Variants in EPB41L4A observed in about 807,000 individuals in gnomAD.
EPB41L4A encodes the protein erythrocyte membrane protein band 4.1 like 4A.
EPB41L4A carries 100 observed loss-of-function variants against 108.6 expected under a neutral mutation model. That is an observed-to-expected ratio of 0.92 (90% confidence interval 0.78 to 1.09). The LOEUF is 1.09. Among genes scored for constraint, EPB41L4A ranks in the 50% least tolerant of loss-of-function variants. The pLI is 0.00. For missense variants in EPB41L4A, 1,030 were observed against 842.7 expected, an observed-to-expected ratio of 1.22 and a Z score of -2.75; for synonymous variants, 319 against 289.0, an observed-to-expected ratio of 1.10 and a Z score of -1.05.
At chr5:112,205,302 C>T (rs1415317162) in intron 14 of EPB41L4A, 119 bp downstream of exon 14, 11 of 854,024 alleles carry the variant, frequency 1.3e-5, no homozygotes, top group South Asian at 4.0e-5. Flanking sequence ...AGAGTCTGCC[C>T]ACTTTATCCA....
intron 4 of EPB41L4A, among the ~76,000 whole-genome samples, chr5:112,269,387 T>C (rs1752100570): frequency 6.6e-6 from 1 of 152,202 alleles, no homozygotes; most frequent in African/African-American, 2.4e-5. Flanking sequence ...TATTTTCATA[T>C]GTTAAACATT....
intron 4 of EPB41L4A, among the ~76,000 whole-genome samples, chr5:112,267,207 T>C (rs774553224): frequency 6.6e-6 from 1 of 152,210 alleles, no homozygotes; most frequent in African/African-American, 2.4e-5. Context: ...TGCTAGCACT[T>C]ACACATATGC....
Position 112,275,411 on chromosome 5 carries a change from TAAGA to T in EPB41L4A, c.257-11_257-8del, listed in dbSNP as rs1489971390. ...AAAGTATATGGAGGTCCAGCTAAAA[TAAGA>T]AATAGAAATTAAATTTCACTAAAAT... On this transcript the variant is annotated splice_region_variant and splice_polypyrimidine_tract_variant and intron_variant, in intron 3 of 22. Transcript: ENST00000261486. 3 of 1,529,698 alleles carry T rather than the reference TAAGA, an allele frequency of 2.0e-6. No individual in the cohort carries two copies. Among genetic ancestry groups the T allele is most frequent in the South Asian group, 2.5e-5 (2 of 81,500 alleles). The allele number at this position is 1,529,698 out of a possible 1,614,324, so 94.8% of individuals were successfully genotyped here.
intron 1 of EPB41L4A, among the ~76,000 whole-genome samples, chr5:112,309,759 T>C (rs1006760853): frequency 6.6e-6 from 1 of 152,156 alleles, no homozygotes; most frequent in African/African-American, 2.4e-5. Flanking sequence ...AGCACAGCAC[T>C]TTCTCCAGCA....
At chr5:112,215,762 CAAAAAAAAAAAAAAACAAA>C (rs1415348874) in intron 12 of EPB41L4A, among the ~76,000 whole-genome samples, 1 of 101,396 alleles carries the variant, frequency 9.9e-6, no homozygotes, top group Non-Finnish European at 1.8e-5. Flanking sequence ...GACTCCATCT[CAAAAAAAAAAAAAAACAAA>C]AAAAACAAAA....
intron 2 of EPB41L4A, among the ~76,000 whole-genome samples, chr5:112,301,686 TG>T (rs1163606949): frequency 6.6e-6 from 1 of 152,160 alleles, no homozygotes; most frequent in African/African-American, 2.4e-5. Context: ...TCCGTCCGAG[TG>T]GGAACTGCAA....
At chr5:112,194,431 T>A (rs1761859104) in intron 17 of EPB41L4A, 137 bp downstream of exon 17, 1 of 544,136 alleles carries the variant, frequency 1.8e-6, no homozygotes, top group Admixed American at 3.7e-5. Context: ...TTTCCTAAAC[T>A]AAGTGCTTCA....
chr5:112,334,610 A>G (rs1207251102), intron 1 of EPB41L4A, among the ~76,000 whole-genome samples: 1 of 152,098 alleles, frequency 6.6e-6, no homozygotes, highest in Non-Finnish European at 1.5e-5. Flanking sequence ...TTCCCCTATG[A>G]CATGTAACCC....
chr5:112,175,036 G>A (rs1449571997), intron 18 of EPB41L4A, among the ~76,000 whole-genome samples: 3 of 152,178 alleles, frequency 2.0e-5, no homozygotes, highest in African/African-American at 7.2e-5. Flanking sequence ...GCACTTCCGG[G>A]TTGGGGGTGG....
intron 1 of EPB41L4A, among the ~76,000 whole-genome samples, chr5:112,331,749 C>T (rs147343025): frequency 7.7e-4 from 117 of 152,284 alleles, no homozygotes; most frequent in Non-Finnish European, 1.5e-3. Flanking sequence ...CAAGGGCCCT[C>T]GGCCCCCAGA....
intron 15 of EPB41L4A, among the ~76,000 whole-genome samples, chr5:112,200,902 A>G (rs1762186863): frequency 1.3e-5 from 2 of 152,212 alleles, no homozygotes; most frequent in African/African-American, 4.8e-5. Flanking sequence ...ATGATAAACA[A>G]AATAGGAAAT....
intron 1 of EPB41L4A, among the ~76,000 whole-genome samples, chr5:112,399,679 A>T (rs1353174214): frequency 2.0e-5 from 3 of 152,150 alleles, no homozygotes; most frequent in African/African-American, 7.2e-5. Flanking sequence ...TTCCTTAAAT[A>T]CCACCAGGGT....
intron 1 of EPB41L4A, 123 bp downstream of exon 1, chr5:112,418,818 C>G: frequency 1.5e-6 from 1 of 679,078 alleles, no homozygotes; most frequent in Non-Finnish European, 2.6e-6. Context: ...ACAGCGGCCT[C>G]TCCTCCCCAC....
intron 1 of EPB41L4A, among the ~76,000 whole-genome samples, chr5:112,361,824 T>A (rs889202177): frequency 6.6e-6 from 1 of 152,072 alleles, no homozygotes; most frequent in African/African-American, 2.4e-5. Flanking sequence ...GAGGCAGCAG[T>A]TGCAGTGAGC....
chr5:112,414,112 G>A (rs1476808832), intron 1 of EPB41L4A, among the ~76,000 whole-genome samples: 1 of 152,124 alleles, frequency 6.6e-6, no homozygotes, highest in Non-Finnish European at 1.5e-5. Flanking sequence ...TTAAACCCAG[G>A]TAATCTGACT....
intron 3 of EPB41L4A, among the ~76,000 whole-genome samples, chr5:112,277,903 C>T (rs1158189916): frequency 3.3e-5 from 5 of 152,104 alleles, no homozygotes; most frequent in South Asian, 2.1e-4. Flanking sequence ...TGGACTCAAA[C>T]GTTTAAGAAA....
intron 1 of EPB41L4A, among the ~76,000 whole-genome samples, chr5:112,349,429 T>A (rs1046469968): frequency 6.6e-6 from 1 of 152,102 alleles, no homozygotes; most frequent in Non-Finnish European, 1.5e-5. Flanking sequence ...CAGCATTGCC[T>A]GTAGATCATT....
At chr5:112,293,273 C>G (rs907053384) in intron 2 of EPB41L4A, among the ~76,000 whole-genome samples, 2 of 150,928 alleles carry the variant, frequency 1.3e-5, no homozygotes, top group Non-Finnish European at 2.9e-5. Flanking sequence ...TACAGGTAAT[C>G]TCGTGTCATG....
At chr5:112,258,336 C>T (rs1469787304) in intron 9 of EPB41L4A, among the ~76,000 whole-genome samples, 1 of 152,168 alleles carries the variant, frequency 6.6e-6, no homozygotes, top group Non-Finnish European at 1.5e-5. Flanking sequence ...TCTCCTATTC[C>T]TGTGTCTCAG....
Sources: gnomAD v4.1 joint callset for allele counts (sites outside exome capture counted in the v4.1 genomes callset) on GRCh38, gnomAD v4.1.1 for gene constraint, MANE v1.5 for transcripts, NCBI Gene and HGNC (gene_info 2026-07-23, HGNC 2026-07-21) for gene names.